The following SRRT variants were observed in gnomAD, a reference collection of about 807,000 sequenced individuals.
SRRT encodes the protein serrate, RNA effector molecule.
A neutral mutation model predicts 103.2 loss-of-function variants in SRRT; 32 were observed. The observed-to-expected ratio is 0.31, with a 90% CI of 0.23 to 0.42. The LOEUF is 0.42. Ranked by LOEUF, SRRT falls within the 10% of genes least tolerant of loss-of-function variation. SRRT has a pLI of 1.00. For missense variants in SRRT, 986 were observed against 1,207.5 expected, an observed-to-expected ratio of 0.82 and a Z score of 2.72; for synonymous variants, 525 against 449.0, an observed-to-expected ratio of 1.17 and a Z score of -2.14.
intron 2 of SRRT, among the ~76,000 whole-genome samples, chr7:100,876,423 A>G (rs967018696): frequency 1.3e-5 from 2 of 152,210 alleles, no homozygotes. Context: ...AAGTGCTGGG[A>G]TTACAGGCAT....
chr7:100,879,824 A>AG (rs1554435809), intron 2 of SRRT, among the ~76,000 whole-genome samples: 10 of 149,768 alleles, frequency 6.7e-5, no homozygotes, highest in Non-Finnish European at 8.9e-5. Context: ...AAAAAAAAAA[A>AG]AAGAAGAAGA....
Position 100,881,860 on chromosome 7 carries a change from TGCTGAAGGCCATG to T in SRRT, c.398+63_398+75del. 3.2e-6 allele frequency: 5 copies of T among 1,542,800 alleles called. No homozygotes were observed. In the South Asian group the frequency reaches 5.0e-5, roughly 15 times the overall value. On this transcript the variant is annotated intron_variant, in intron 4 of 19. Coordinates refer to ENST00000611405, the MANE Select transcript of SRRT (RefSeq NM_015908.6). ...GGTAGGCCTGGGGGATGGATGGGGT[TGCTGAAGGCCATG>T]GCTGAAGCCAGGGAGCGGGTCAGGC... is the stretch of plus-strand genomic sequence containing the variant.
intron 6 of SRRT, 51 bp downstream of exon 6, chr7:100,884,290 G>C (rs1184585676): frequency 8.1e-6 from 13 of 1,613,182 alleles, no homozygotes; most frequent in South Asian, 2.2e-5. Context: ...GGGGGTGGGG[G>C]TGTCTGGGGA....
In SRRT at chr7:100,882,343, C is replaced by A. The variant is rs990299955; in HGVS notation, c.587+102C>A. 14 of 1,354,332 alleles carry A rather than the reference C, an allele frequency of 1.0e-5. No individual in the cohort carries two copies. In the Admixed American group the frequency reaches 1.7e-4, roughly 16 times the overall value. 83.9% of individuals were successfully genotyped at this position (1,354,332 alleles called of 1,614,324 possible). ...TCTTCCCAGTTTTCCCTGTCCAGAACTTTCTGGGGGCGGGGGTCGGGAAGT... is the reference window on the plus strand; with the variant it reads ...TCTTCCCAGTTTTCCCTGTCCAGAAATTTCTGGGGGCGGGGGTCGGGAAGT... On this transcript the variant is annotated intron_variant, in intron 5 of 19. Coordinates refer to ENST00000611405, the MANE Select transcript of SRRT (RefSeq NM_015908.6). This position sits in a 1 kb window ranked among gnomAD's most constrained non-coding sequence, Gnocchi z 4.2.
intron 2 of SRRT, among the ~76,000 whole-genome samples, chr7:100,876,755 G>T (rs1455262381): frequency 6.6e-6 from 1 of 152,084 alleles, no homozygotes; most frequent in African/African-American, 2.4e-5. Context: ...TATATATAGT[G>T]GAAGTTATAA....
In SRRT at chr7:100,886,834, G is replaced by A. The variant is rs547672294; in HGVS notation, c.1687G>A (p.Asp563Asn). 5 of 1,614,108 alleles carry A rather than the reference G, an allele frequency of 3.1e-6. No individual in the cohort carries two copies. Among genetic ancestry groups the A allele is most frequent in the South Asian group, 2.2e-5 (2 of 91,076 alleles). The stretch of plus-strand genomic sequence containing the variant: ...AAACCCGATCTTGAAGAATATCACC[G>A]ACTACCTGATCGAGGAAGTAAGCGC... The part of the protein sequence containing the change: ...SQNPILKNIT[D>N]YLIEEVSAEE... Residue 563 changes from aspartate to asparagine, a missense_variant, in exon 14 of 20, where the codon GAC becomes AAC. This residue lies in a region of SRRT where 349 missense variants were observed against 446.9 expected (regional missense o/e 0.78). Coordinates refer to ENST00000611405, the MANE Select transcript of SRRT (RefSeq NM_015908.6).
intron 2 of SRRT, among the ~76,000 whole-genome samples, chr7:100,879,457 T>C (rs1816073903): frequency 6.6e-6 from 1 of 152,132 alleles, no homozygotes; most frequent in Admixed American, 6.6e-5. Flanking sequence ...GTAGAAGCTA[T>C]CCTCTACAAA....
chr7:100,877,585 G>A lies in SRRT; in HGVS notation c.122+1873G>A, dbSNP rs138006527. Among the ~76,000 whole-genome samples, 44 of 151,434 alleles carry A rather than the reference G, an allele frequency of 2.9e-4. No homozygotes were observed. The East Asian group carries it at 3.0e-3, about 10-fold the overall frequency. On this transcript the variant is annotated intron_variant, in intron 2 of 19. Transcript: ENST00000611405. ...CACCCAGGCTGGAGTGCAGTGGGGC[G>A]ATCTCAGCTCACTGCAACCTCCACC... is the stretch of plus-strand genomic sequence containing the variant.
At position 100,885,195 on chromosome 7, in the gene SRRT, A is replaced by AC. The variant is rs1400771550; in HGVS notation, c.1160-12dup. The AC allele has an allele frequency of 6.2e-7, 1 of 1,609,828 alleles. No homozygotes were observed. The highest frequency in any genetic ancestry group is 1.1e-5 in the South Asian group (1 of 90,878). On this transcript the variant is annotated splice_polypyrimidine_tract_variant and intron_variant, in intron 9 of 19. Coordinates refer to ENST00000611405, the MANE Select transcript of SRRT (RefSeq NM_015908.6). This position sits in a 1 kb window ranked among gnomAD's most constrained non-coding sequence, Gnocchi z 4.8. ...AATAAAAATGCACCAACTCCTTCCT[A>AC]CCCCCCTTCCTGCCTAGAAGAAGCG...
chr7:100,885,418 G>A lies in SRRT; in HGVS notation c.1317+48G>A, dbSNP rs767990159. ...AGGGCAGGGCTGATGGAGAAGTGGA[G>A]GGTAGAGGGAAGGCAGTGGGGCCCT... On this transcript the variant is annotated intron_variant, in intron 10 of 19. Coordinates refer to ENST00000611405, the MANE Select transcript of SRRT (RefSeq NM_015908.6). This position sits in a 1 kb window ranked among gnomAD's most constrained non-coding sequence, Gnocchi z 4.8. 2 of 1,581,540 alleles carry A rather than the reference G, an allele frequency of 1.3e-6. No homozygotes were observed. The highest frequency in any genetic ancestry group is 1.1e-5 in the South Asian group (1 of 88,058).
chr7:100,877,292 G>A (rs1212231880), intron 2 of SRRT, among the ~76,000 whole-genome samples: 3 of 150,800 alleles, frequency 2.0e-5, no homozygotes, highest in African/African-American at 4.9e-5. Flanking sequence ...ATGGTGGTGC[G>A]CGCCTGTAGT....
At position 100,885,821 on chromosome 7, in the gene SRRT, A is replaced by C. The variant is rs368046977; in HGVS notation, c.1380-42A>C. On this transcript the variant is annotated intron_variant, in intron 11 of 19. Coordinates refer to ENST00000611405, the MANE Select transcript of SRRT (RefSeq NM_015908.6). This position sits in a 1 kb window ranked among gnomAD's most constrained non-coding sequence, Gnocchi z 4.8. Reference sequence around the variant, plus strand: ...AGGGGAACGTTAATGGCCAACACCAACTCCCTCGCTTGACTATGCTAACAT... The same window carrying C: ...AGGGGAACGTTAATGGCCAACACCACCTCCCTCGCTTGACTATGCTAACAT... 3.1e-5 allele frequency: 50 copies of C among 1,613,256 alleles called. No individual in the cohort carries two copies. The highest frequency in any genetic ancestry group is 4.2e-5 in the Non-Finnish European group (49 of 1,179,644).
Position 100,880,538 on chromosome 7 carries a change from C to T in SRRT, c.123-747C>T, listed in dbSNP as rs574723949. Among the ~76,000 whole-genome samples, 107 of 152,312 alleles carry T rather than the reference C, an allele frequency of 7.0e-4. 1 individual carries two copies. Among genetic ancestry groups the T allele is most frequent in the Admixed American group, 5.6e-3 (86 of 15,290 alleles). On this transcript the variant is annotated intron_variant, in intron 2 of 19. Transcript: ENST00000611405. ...GCCAGGATGGTCTCGATCTCCTGAC[C>T]TCGTGATCCGCCCGCCTCGGCCTCC... is the stretch of plus-strand genomic sequence containing the variant.
At position 100,884,785 on chromosome 7, in the gene SRRT, G is replaced by T. The variant is rs1416060198; in HGVS notation, c.988G>T (p.Gly330Cys). 3 of 1,614,072 alleles carry T rather than the reference G, an allele frequency of 1.9e-6. No individual in the cohort carries two copies. Among genetic ancestry groups the T allele is most frequent in the Non-Finnish European group, 2.5e-6 (3 of 1,179,996 alleles). ...TGATGACAAAACAAAGAAGTCGGAG[G>T]GTGATGGGGACAAGGAAGAGAAGAA... is the stretch of plus-strand genomic sequence containing the variant. ...SNDDKTKKSE[G>C]DGDKEEKKED... The change falls in exon 8 of 20, where the codon GGT (glycine) becomes TGT (cysteine). Residue 330 changes from glycine to cysteine, a missense_variant. Gly to Cys is a radical substitution (Grantham distance 159, BLOSUM62 -3). Coordinates refer to ENST00000611405, the MANE Select transcript of SRRT (RefSeq NM_015908.6).
rs377684032 is a variant in SRRT at position 100,885,777 on chromosome 7, G to A, written c.1379+15G>A. 2.5e-6 allele frequency: 4 copies of A among 1,614,070 alleles called. No individual in the cohort carries two copies. In the African/African-American group the frequency reaches 5.3e-5, roughly 22 times the overall value. On this transcript the variant is annotated intron_variant, in intron 11 of 19. Transcript: ENST00000611405. This position sits in a 1 kb window ranked among gnomAD's most constrained non-coding sequence, Gnocchi z 4.8. The stretch of plus-strand genomic sequence containing the variant: ...CCAGAGAGGAGGTGAGTAACTCGGT[G>A]CGTTGGAGGGAAAAGTGCAGGGGAA...
At position 100,882,432 on chromosome 7, in the gene SRRT, C is replaced by T. The variant is rs1451774231; in HGVS notation, c.587+191C>T. ...GCAACTGCCACGGCCCCCGCCCCGC[C>T]CTGTCTCCTGTCCTGCTGTCCTCAG... On this transcript the variant is annotated intron_variant, in intron 5 of 19. Coordinates refer to ENST00000611405, the MANE Select transcript of SRRT (RefSeq NM_015908.6). This position sits in a 1 kb window ranked among gnomAD's most constrained non-coding sequence, Gnocchi z 4.2. 1 of 591,796 alleles carries T rather than the reference C, an allele frequency of 1.7e-6. No individual in the cohort carries two copies. The highest frequency in any genetic ancestry group is 2.9e-6 in the Non-Finnish European group (1 of 343,254). 36.7% of individuals were successfully genotyped at this position (591,796 alleles called of 1,614,324 possible).
rs1790064716 is a variant in SRRT at position 100,886,050 on chromosome 7, T to C, written c.1458+109T>C. The C allele has an allele frequency of 2.1e-6, 3 of 1,401,698 alleles. No homozygotes were observed. In the Admixed American group the frequency reaches 5.4e-5, roughly 25 times the overall value. 86.8% of individuals were successfully genotyped at this position (1,401,698 alleles called of 1,614,324 possible). ...TAGTTTGGTTGTTCTGCACACTCTT[T>C]GACCGTTTTGTCTGGCTACGTTGTC... On this transcript the variant is annotated intron_variant, in intron 12 of 19. Transcript: ENST00000611405.
intron 6 of SRRT, 43 bp from the exon 7 acceptor site, chr7:100,884,325 G>A (rs2115836796): frequency 6.2e-7 from 1 of 1,611,982 alleles, no homozygotes; most frequent in Middle Eastern, 1.7e-4. Flanking sequence ...GTTGACAGGA[G>A]CCAGGGCCCT....
Position 100,875,594 on chromosome 7 carries a change from G to C in SRRT, c.4G>C (p.Gly2Arg). The C allele has an allele frequency of 6.2e-7, 1 of 1,613,992 alleles. No individual in the cohort carries two copies. M[G>R]DSDDEYDRRR... The stretch of plus-strand genomic sequence containing the variant: ...CCAGGCCCCCTCAGACCGTGCCATG[G>C]GTGACAGTGATGACGAGTACGATCG... Residue 2 changes from glycine (G) to arginine (R), a missense_variant, in exon 2 of 20, where the codon GGT (glycine) becomes CGT (arginine). Coordinates refer to ENST00000611405, the MANE Select transcript of SRRT (RefSeq NM_015908.6).
Sources: gnomAD v4.1 joint callset for allele counts (sites outside exome capture counted in the v4.1 genomes callset) on GRCh38, gnomAD v4.1.1 for gene constraint, gnomAD v4.1.1 regional missense constraint, Gnocchi (gnomAD v3.1) non-coding constraint, MANE v1.5 for transcripts, NCBI Gene and HGNC (gene_info 2026-07-23, HGNC 2026-07-21) for gene names.